Variants in SPAG16 observed in about 807,000 individuals in gnomAD.
SPAG16 encodes sperm-associated antigen 16 protein.
SPAG16 carries 86 observed loss-of-function variants against 80.4 expected under a neutral mutation model. The observed-to-expected ratio is 1.07, with a 90% CI of 0.90 to 1.28. The LOEUF (loss-of-function observed/expected upper bound fraction) is 1.28, where lower values mean the gene tolerates loss of function less well. Among genes scored for constraint, SPAG16 ranks in the 50% most tolerant of loss-of-function variants. The pLI, the probability that SPAG16 is intolerant of heterozygous loss-of-function variation, is 0.00. For missense variants in SPAG16, 870 were observed against 765.3 expected (o/e 1.14, Z -1.61); for synonymous variants, 294 against 265.9 (o/e 1.11, Z -1.03).
chr2:213,920,652 G>A (rs570376460), intron 11 of SPAG16, among the ~76,000 whole-genome samples: 1 of 152,318 alleles, frequency 6.6e-6, no homozygotes, highest in East Asian at 1.9e-4. Context: ...GGCATGGCCA[G>A]GCTGGGGCCC....
At chr2:213,899,615 A>T (rs1020954588) in intron 11 of SPAG16, among the ~76,000 whole-genome samples, 6 of 152,076 alleles carry the variant, frequency 3.9e-5, no homozygotes, top group Non-Finnish European at 7.4e-5. Flanking sequence ...TCAAATTGTC[A>T]CTATAATATT....
At chr2:213,674,060 T>A (rs1352355509) in intron 10 of SPAG16, among the ~76,000 whole-genome samples, 1 of 152,166 alleles carries the variant, frequency 6.6e-6, no homozygotes, top group Non-Finnish European at 1.5e-5. Context: ...ACTTGAGAAA[T>A]ATATGTTGTC....
At chr2:213,324,801 A>G (rs371424627) in intron 5 of SPAG16, among the ~76,000 whole-genome samples, 14 of 152,260 alleles carry the variant, frequency 9.2e-5, no homozygotes, top group African/African-American at 3.4e-4. Flanking sequence ...TTAACTCTGT[A>G]TGAACTGCTC....
intron 10 of SPAG16, among the ~76,000 whole-genome samples, chr2:213,730,108 C>G (rs1277846793): frequency 6.6e-6 from 1 of 152,162 alleles, no homozygotes; most frequent in Non-Finnish European, 1.5e-5. Context: ...TGGCCTAAAT[C>G]ACTCATTCAC....
intron 15 of SPAG16, among the ~76,000 whole-genome samples, chr2:214,307,885 T>C (rs1323727241): frequency 1.3e-5 from 2 of 152,180 alleles, no homozygotes; most frequent in Non-Finnish European, 2.9e-5. Flanking sequence ...TGGAGAGTTA[T>C]GTAGATATCT....
chr2:214,176,683 A>T (rs948915947), intron 15 of SPAG16, among the ~76,000 whole-genome samples: 2 of 151,328 alleles, frequency 1.3e-5, no homozygotes, highest in African/African-American at 2.4e-5. Context: ...CTGAGTCTTT[A>T]TTCAAGTATT....
At chr2:213,617,621 G>A (rs536811005) in intron 10 of SPAG16, among the ~76,000 whole-genome samples, 6 of 152,172 alleles carry the variant, frequency 3.9e-5, no homozygotes, top group African/African-American at 4.8e-5. Flanking sequence ...GATTACAGGC[G>A]TGAGCCACTA....
At chr2:214,079,222 C>T (rs1487413695) in intron 13 of SPAG16, among the ~76,000 whole-genome samples, 2 of 152,110 alleles carry the variant, frequency 1.3e-5, no homozygotes, top group Non-Finnish European at 2.9e-5. Flanking sequence ...CTTCCCACCT[C>T]ACCATCAGAA....
chr2:213,344,154 T>A (rs1205341166), intron 6 of SPAG16, among the ~76,000 whole-genome samples: 1 of 152,144 alleles, frequency 6.6e-6, no homozygotes, highest in Non-Finnish European at 1.5e-5. Context: ...GACCACTTCT[T>A]AAAATATCTT....
intron 9 of SPAG16, among the ~76,000 whole-genome samples, chr2:213,453,283 A>G (rs1439653227): frequency 6.6e-6 from 1 of 152,326 alleles, no homozygotes. Context: ...TGTCTGGTTC[A>G]TAATGATAAA....
rs191077939 is a variant in SPAG16, at chr2:213,331,222, G to C, written c.537-8941G>C. Among the ~76,000 whole-genome samples the C allele has an allele frequency of 4.5e-3, 687 of 152,248 alleles. 9 individuals carry two copies. The highest frequency in any genetic ancestry group is 5.4e-3 in the Non-Finnish European group (367 of 68,022). On this transcript the variant is annotated intron_variant, in intron 5 of 15. Coordinates refer to ENST00000331683, the MANE Select transcript of SPAG16 (RefSeq NM_024532.5). ...TTGTGCCTTTTCTGCAGCATGCCTG[G>C]GTCCTGAGGCCCCCATTCCAGGCCT...
At chr2:214,085,404 A>C (rs1182165745) in intron 13 of SPAG16, among the ~76,000 whole-genome samples, 1 of 150,316 alleles carries the variant, frequency 6.7e-6, no homozygotes, top group Non-Finnish European at 1.5e-5. Context: ...GAAAGAAAGA[A>C]AGAAAGAAAA....
chr2:214,298,870 G>C (rs527643013), intron 15 of SPAG16, among the ~76,000 whole-genome samples: 1 of 152,142 alleles, frequency 6.6e-6, no homozygotes, highest in African/African-American at 2.4e-5. Context: ...TGTGAGTCAG[G>C]ATTAGAGGAA....
intron 10 of SPAG16, among the ~76,000 whole-genome samples, chr2:213,680,357 C>T (rs560492485): frequency 6.6e-6 from 1 of 151,662 alleles, no homozygotes; most frequent in South Asian, 2.1e-4. Context: ...ACCAGAGGGC[C>T]TTAGTTTTGG....
chr2:213,612,775 C>T (rs575949521), intron 10 of SPAG16, among the ~76,000 whole-genome samples: 55 of 152,208 alleles, frequency 3.6e-4, no homozygotes, highest in Middle Eastern at 3.4e-3. Context: ...CCTCTGCCTC[C>T]CAGGTTCAAG....
intron 10 of SPAG16, among the ~76,000 whole-genome samples, chr2:213,581,224 T>C (rs1048023932): frequency 2.6e-5 from 4 of 152,066 alleles, no homozygotes; most frequent in Admixed American, 2.6e-4. Context: ...TTTTATACTC[T>C]ATTTCTTTTT....
chr2:214,359,439 G>A (rs1239914417), intron 15 of SPAG16, among the ~76,000 whole-genome samples: 1 of 151,846 alleles, frequency 6.6e-6, no homozygotes, highest in African/African-American at 2.4e-5. Context: ...AGCATTTTTG[G>A]TGTTGCTAAA....
At chr2:213,481,906 T>G (rs2073769026) in intron 9 of SPAG16, among the ~76,000 whole-genome samples, 1 of 152,204 alleles carries the variant, frequency 6.6e-6, no homozygotes, top group Non-Finnish European at 1.5e-5. Context: ...TGCAGTGATT[T>G]TTGTAAATGA....
intron 11 of SPAG16, among the ~76,000 whole-genome samples, chr2:213,869,295 A>ATATATATATG (rs2075853968): frequency 1.9e-5 from 1 of 52,936 alleles, no homozygotes; most frequent in Non-Finnish European, 5.5e-5. Flanking sequence ...ATATATATGT[A>ATATATATATG]TATATATATA....
Sources: allele counts gnomAD v4.1 joint callset (sites outside exome capture counted in the v4.1 genomes callset), GRCh38; gene constraint gnomAD v4.1.1; transcripts MANE v1.5; gene names NCBI Gene and HGNC (gene_info 2026-07-23, HGNC 2026-07-21).